LSM3: variants seen among roughly 807,000 people sequenced by gnomAD.
LSM3 encodes LSM3 homolog, U6 small nuclear RNA and mRNA degradation associated, also known as U6 snRNA-associated Sm-like protein LSm3.
LSM3 carries 14 observed loss-of-function variants against 15.4 expected under a neutral mutation model. That is an observed-to-expected ratio of 0.91 (90% CI 0.60 to 1.42). The LOEUF (loss-of-function observed/expected upper bound fraction) is 1.42, where lower values mean the gene tolerates loss of function less well. Ranked by LOEUF, LSM3 falls within the 40% of genes most tolerant of loss-of-function variation. The probability of loss-of-function intolerance (pLI) is 0.00; values close to 1 mark genes in which losing one functional copy is unlikely to be tolerated. For synonymous variants in LSM3, 46 were observed against 45.1 expected, an observed-to-expected ratio of 1.02 and a Z score of -0.08; for missense variants, 88 against 127.9, an observed-to-expected ratio of 0.69 and a Z score of 1.50.
rs560587424 is a variant in LSM3, at chr3:14,191,358, G to A, written c.229-6678G>A. ...GTTTGGAATAGTTTTAGAAGGAATG[G>A]TGCCAGCTTCTCTTTGTACCTCTGG... is the stretch of plus-strand genomic sequence containing the variant. On this transcript the variant is annotated intron_variant, in intron 3 of 3. Transcript: ENST00000306024. Among the ~76,000 whole-genome samples the A allele has an allele frequency of 1.1e-4, 16 of 152,300 alleles. No homozygotes were observed. The East Asian group carries it at 1.9e-3, about 18-fold the overall frequency.
chr3:14,197,964 A>G, intron 3 of LSM3, 72 bp from the exon 4 acceptor site: 3 of 1,305,916 alleles, frequency 2.3e-6, no homozygotes, highest in Non-Finnish European at 2.2e-6. Context: ...CCATTTTTTA[A>G]CATTTCTGTC....
At position 14,199,915 on chromosome 3, in the gene LSM3, A is replaced by G. The variant is rs747117301; in HGVS notation, c.*1799A>G. On this transcript the variant is annotated 3_prime_UTR_variant, in exon 4 of 4. Coordinates refer to ENST00000306024, the MANE Select transcript of LSM3 (RefSeq NM_014463.3). ...AGTCTGTTGGCTCCTGGTGTTCACTAAGGCGTGGGGTGACAGGCCATCTGG... is the reference window on the plus strand; with the variant it reads ...AGTCTGTTGGCTCCTGGTGTTCACTGAGGCGTGGGGTGACAGGCCATCTGG... The G allele has an allele frequency of 6.6e-6, 1 of 152,336 alleles. No individual in the cohort carries two copies. Among genetic ancestry groups the G allele is most frequent in the Non-Finnish European group, 1.5e-5 (1 of 68,152 alleles). 9.4% of individuals were successfully genotyped at this position (152,336 alleles called of 1,614,324 possible).
intron 3 of LSM3, among the ~76,000 whole-genome samples, chr3:14,184,291 T>TA (rs1411100173): frequency 6.6e-6 from 1 of 152,202 alleles, no homozygotes; most frequent in African/African-American, 2.4e-5. Flanking sequence ...TACTACCACT[T>TA]ACCTCATAGG....
Position 14,188,374 on chromosome 3 carries a change from CAT to C in LSM3, c.228+4345_228+4346del, listed in dbSNP as rs1254200359. Among the ~76,000 whole-genome samples, 10 of 152,302 alleles carry C rather than the reference CAT, an allele frequency of 6.6e-5. No homozygotes were observed. The East Asian group carries it at 1.9e-3, about 29-fold the overall frequency. ...CCATATCACCGTATAGTACTTAACA[CAT>C]ATTTCTTTTCTTACTCATTTTAAAT... On this transcript the variant is annotated intron_variant, in intron 3 of 3. Transcript: ENST00000306024.
At chr3:14,194,342 A>G (rs758650965) in intron 3 of LSM3, among the ~76,000 whole-genome samples, 1 of 152,238 alleles carries the variant, frequency 6.6e-6, no homozygotes, top group African/African-American at 2.4e-5. Flanking sequence ...TAAGTCTGCT[A>G]TAAGCCCCTG....
At chr3:14,191,778 T>A (rs558502216) in intron 3 of LSM3, among the ~76,000 whole-genome samples, 9 of 152,342 alleles carry the variant, frequency 5.9e-5, no homozygotes, top group Middle Eastern at 6.8e-3. Flanking sequence ...TGTCTCTATC[T>A]CCTTCAGTTC....
rs753775488 is a variant in LSM3 at position 14,183,967 on chromosome 3, G to A, written c.163G>A (p.Gly55Arg). 23 of 1,608,192 alleles carry A rather than the reference G, an allele frequency of 1.4e-5. No individual in the cohort carries two copies. In the South Asian group the frequency reaches 2.5e-4, roughly 18 times the overall value. ...TGATCAACATTTAAATATGATCTTG[G>A]GAGATGTGGAAGAAACTGTGACTAC... ...AYDQHLNMIL[G>R]DVEETVTTIE... Residue 55 changes from glycine to arginine, a missense_variant, in exon 3 of 4, where the codon GGA becomes AGA. Gly to Arg is a moderately radical substitution (Grantham distance 125). Coordinates refer to ENST00000306024, the MANE Select transcript of LSM3 (RefSeq NM_014463.3).
At chr3:14,188,442 TCA>T (rs1697110417) in intron 3 of LSM3, among the ~76,000 whole-genome samples, 1 of 152,206 alleles carries the variant, frequency 6.6e-6, no homozygotes, top group South Asian at 2.1e-4. Flanking sequence ...GATACTAGAC[TCA>T]CACAGTCTTA....
chr3:14,194,187 T>G (rs1490639323), intron 3 of LSM3, among the ~76,000 whole-genome samples: 1 of 152,180 alleles, frequency 6.6e-6, no homozygotes, highest in Non-Finnish European at 1.5e-5. Flanking sequence ...CTGTATGAGG[T>G]GTCTGTCGGC....
At position 14,192,995 on chromosome 3, in the gene LSM3, T is replaced by C. The variant is rs562310038; in HGVS notation, c.229-5041T>C. Among the ~76,000 whole-genome samples the C allele has an allele frequency of 3.0e-4, 45 of 152,360 alleles. No homozygotes were observed. In the South Asian group the frequency reaches 9.1e-3, roughly 31 times the overall value. ...TGGTGGTGACAAAATCCCTCAGCAT[T>C]TGCTTGTCTGTAAAGGATTTTATTT... On this transcript the variant is annotated intron_variant, in intron 3 of 3. Coordinates refer to ENST00000306024, the MANE Select transcript of LSM3 (RefSeq NM_014463.3).
intron 1 of LSM3, among the ~76,000 whole-genome samples, chr3:14,179,421 A>G (rs1696989269): frequency 1.3e-5 from 2 of 152,240 alleles, no homozygotes; most frequent in Non-Finnish European, 2.9e-5. Context: ...ACTGGTATGC[A>G]GAATAACAGA....
At chr3:14,180,821 CTTTTTTTTTTTTTTTTTTTT>C (rs1164090236) in intron 1 of LSM3, among the ~76,000 whole-genome samples, 5 of 46,772 alleles carry the variant, frequency 1.1e-4, no homozygotes, top group East Asian at 8.3e-4. Context: ...GCTTGCTTGC[CTTTTTTTTTTTTTTTTTTTT>C]TTTTTTTTTT....
chr3:14,198,028 T>G lies in LSM3; in HGVS notation c.229-8T>G. On this transcript the variant is annotated splice_polypyrimidine_tract_variant and splice_region_variant and intron_variant, in intron 3 of 3. Coordinates refer to ENST00000306024, the MANE Select transcript of LSM3 (RefSeq NM_014463.3). ...TACAAATATGTTCTGTTTTTTTTTCTCTTCTAGTCAACGAAACGGAATATT... is the reference window on the plus strand; with the variant it reads ...TACAAATATGTTCTGTTTTTTTTTCGCTTCTAGTCAACGAAACGGAATATT... The G allele has an allele frequency of 6.2e-7, 1 of 1,610,226 alleles. No individual in the cohort carries two copies. Among genetic ancestry groups the G allele is most frequent in the South Asian group, 1.1e-5 (1 of 90,950 alleles).
chr3:14,178,942 A>C, intron 1 of LSM3, 61 bp downstream of exon 1: 3 of 1,592,178 alleles, frequency 1.9e-6, no homozygotes, highest in Non-Finnish European at 2.6e-6. Context: ...CTTTTTCCAG[A>C]CTCAGGAAAA....
At chr3:14,195,437 C>T (rs1697179532) in intron 3 of LSM3, among the ~76,000 whole-genome samples, 1 of 146,618 alleles carries the variant, frequency 6.8e-6, no homozygotes, top group Middle Eastern at 3.3e-3. Flanking sequence ...TCTGTATATA[C>T]CTGTGAGCAA....
chr3:14,189,807 T>A (rs1314275069), intron 3 of LSM3, among the ~76,000 whole-genome samples: 1 of 152,242 alleles, frequency 6.6e-6, no homozygotes, highest in African/African-American at 2.4e-5. Flanking sequence ...TTTAATTAGA[T>A]CCCATTTGTC....
At position 14,184,035 on chromosome 3, in the gene LSM3, A is replaced by C. The variant is rs1193434800; in HGVS notation, c.228+3A>C. On this transcript the variant is annotated splice_donor_region_variant and intron_variant, in intron 3 of 3. Coordinates refer to ENST00000306024, the MANE Select transcript of LSM3 (RefSeq NM_014463.3). ...AAACATATGAAGAGATATATAAAGTAAGTCATGCAATTCTATTCATTGCTT... is the reference window on the plus strand; with the variant it reads ...AAACATATGAAGAGATATATAAAGTCAGTCATGCAATTCTATTCATTGCTT... 2 of 1,603,154 alleles carry C rather than the reference A, an allele frequency of 1.2e-6. No individual in the cohort carries two copies. Among genetic ancestry groups the C allele is most frequent in the South Asian group, 2.3e-5 (2 of 88,666 alleles).
chr3:14,197,270 C>CTAACAGCAACA (rs1188118258), intron 3 of LSM3, among the ~76,000 whole-genome samples: 1 of 152,254 alleles, frequency 6.6e-6, no homozygotes. Flanking sequence ...ATACATTAGG[C>CTAACAGCAACA]TAACAGCAAC....
rs1559388966 is a variant in LSM3 at position 14,178,881 on chromosome 3, GGTAAGT to G, written c.21+4_21+9del. 30 of 1,614,214 alleles carry G rather than the reference GGTAAGT, an allele frequency of 1.9e-5. No homozygotes were observed. The highest frequency in any genetic ancestry group is 2.4e-5 in the Non-Finnish European group (28 of 1,180,046). Reference sequence around the variant, plus strand: ...GAAACATGGCGGACGACGTAGACCAGGTAAGTGTATTTTAAGGAGGTCGCTCGAAGG... The same window carrying G: ...GAAACATGGCGGACGACGTAGACCAGGTATTTTAAGGAGGTCGCTCGAAGG... On this transcript the variant is annotated splice_donor_variant and splice_donor_5th_base_variant and intron_variant, in intron 1 of 3. Transcript: ENST00000306024. LOFTEE classifies it high-confidence loss of function.
Sources: gnomAD v4.1 joint callset for allele counts (sites outside exome capture counted in the v4.1 genomes callset) on GRCh38, gnomAD v4.1.1 for gene constraint, MANE v1.5 for transcripts, NCBI Gene and HGNC (gene_info 2026-07-23, HGNC 2026-07-21) for gene names.